The following PKP4 variants were observed in gnomAD, a reference collection of about 807,000 sequenced individuals.
PKP4 encodes the protein plakophilin-4.
Under a neutral mutation model 145.1 loss-of-function variants are expected in PKP4, and 90 were observed. The ratio of observed to expected loss-of-function variants is 0.62; its 90% CI spans 0.52 to 0.74. The LOEUF (loss-of-function observed/expected upper bound fraction) is 0.74. Among genes scored for constraint, PKP4 ranks in the 30% least tolerant of loss-of-function variants. The pLI is 0.00. For missense variants in PKP4, 1,340 were observed against 1,482.7 expected (o/e 0.90, Z 1.58); for synonymous variants, 563 against 577.2 (o/e 0.98, Z 0.35).
intron 6 of PKP4, among the ~76,000 whole-genome samples, chr2:158,621,937 T>G (rs2052303763): frequency 6.6e-6 from 1 of 152,222 alleles, no homozygotes; most frequent in Non-Finnish European, 1.5e-5. Flanking sequence ...TGATGAATTC[T>G]GATGAGTTCC....
In PKP4 at chr2:158,661,387, G is replaced by T. The variant is rs1334139747; in HGVS notation, c.2148G>T (p.Gly716=). The T allele has an allele frequency of 1.2e-6, 2 of 1,613,928 alleles. No homozygotes were observed. Among genetic ancestry groups the T allele is most frequent in the Non-Finnish European group, 1.7e-6 (2 of 1,179,870 alleles). Residue 716 remains glycine (G), a synonymous_variant, in exon 13 of 22, where the codon GGG becomes GGT. Coordinates refer to ENST00000389759, the MANE Select transcript of PKP4 (RefSeq NM_003628.6). ...GGAAGCAAATGCGGTCCTGCGAGGG[G>T]CTGGTAGACTCACTGTTGTATGTGA... The part of the protein sequence containing the change: ...EARKQMRSCE[G]LVDSLLYVIH...
chr2:158,556,493 A>G (rs192961093), intron 2 of PKP4, among the ~76,000 whole-genome samples: 2 of 151,280 alleles, frequency 1.3e-5, no homozygotes, highest in Admixed American at 6.6e-5. Context: ...AAATACGGAT[A>G]GATAAATGAA....
At chr2:158,547,129 T>G (rs2045137255) in intron 2 of PKP4, among the ~76,000 whole-genome samples, 1 of 152,214 alleles carries the variant, frequency 6.6e-6, no homozygotes, top group Non-Finnish European at 1.5e-5. Context: ...GATAATTTTT[T>G]GTAAAGTTAA....
chr2:158,509,327 T>G (rs549273458), intron 1 of PKP4, among the ~76,000 whole-genome samples: 1 of 152,350 alleles, frequency 6.6e-6, no homozygotes, highest in East Asian at 1.9e-4. Flanking sequence ...ATCTTTGAGG[T>G]ATTTTACCAC....
intron 6 of PKP4, among the ~76,000 whole-genome samples, chr2:158,624,447 A>G (rs926587985): frequency 1.3e-5 from 2 of 152,238 alleles, no homozygotes; most frequent in African/African-American, 4.8e-5. Context: ...TTTTTGTTTT[A>G]CATAAATGCA....
At chr2:158,552,547 G>A (rs1260743018) in intron 2 of PKP4, among the ~76,000 whole-genome samples, 2 of 150,642 alleles carry the variant, frequency 1.3e-5, no homozygotes, top group South Asian at 2.2e-4. Context: ...TGGTAGAAAT[G>A]TGGGTATTAA....
At chr2:158,678,047 TA>T (rs138671707) in intron 20 of PKP4, among the ~76,000 whole-genome samples, 29,608 of 152,194 alleles carry the variant, frequency 0.19, 3,740 homozygotes, top group Middle Eastern at 0.35. Context: ...CCTTTTGTAT[TA>T]AAACATACTT....
At chr2:158,614,459 C>T (rs2051405548) in intron 4 of PKP4, among the ~76,000 whole-genome samples, 1 of 152,102 alleles carries the variant, frequency 6.6e-6, no homozygotes, top group South Asian at 2.1e-4. Flanking sequence ...AGTTTCCCAG[C>T]CAGTGGATAT....
At chr2:158,532,163 A>G (rs558685273) in intron 1 of PKP4, among the ~76,000 whole-genome samples, 3 of 152,270 alleles carry the variant, frequency 2.0e-5, no homozygotes, top group African/African-American at 2.4e-5. Flanking sequence ...TTAATTGATT[A>G]TAAATGAATA....
chr2:158,549,501 G>A (rs760814647), intron 2 of PKP4, among the ~76,000 whole-genome samples: 5 of 151,716 alleles, frequency 3.3e-5, no homozygotes, highest in Non-Finnish European at 5.9e-5. Flanking sequence ...CCTTCCCACC[G>A]CCACCCCTAG....
chr2:158,606,610 C>T (rs1056676408), intron 4 of PKP4, among the ~76,000 whole-genome samples: 1 of 152,178 alleles, frequency 6.6e-6, no homozygotes, highest in African/African-American at 2.4e-5. Context: ...AAGCTCATCA[C>T]TTAGCCTTTC....
chr2:158,666,694 C>A (rs1439121187), intron 16 of PKP4, 131 bp downstream of exon 16: 1 of 697,170 alleles, frequency 1.4e-6, no homozygotes, highest in Non-Finnish European at 2.2e-6. Flanking sequence ...AGTTTCTTGG[C>A]ATATTTGAGT....
intron 15 of PKP4, 146 bp from the exon 16 acceptor site, chr2:158,666,267 C>A: frequency 1.5e-6 from 1 of 657,484 alleles, no homozygotes; most frequent in Non-Finnish European, 2.3e-6. Flanking sequence ...GTTTTCTCTT[C>A]ACTGACACCA....
At chr2:158,509,738 G>A (rs1450667609) in intron 1 of PKP4, among the ~76,000 whole-genome samples, 2 of 151,956 alleles carry the variant, frequency 1.3e-5, no homozygotes, top group Non-Finnish European at 2.9e-5. Flanking sequence ...ACCTGAGGTC[G>A]GGAGTTTGAG....
rs1419408852 is a variant in PKP4 at position 158,525,784 on chromosome 2, A to G, written c.-5-7396A>G. 1.2e-4 allele frequency among the ~76,000 whole-genome samples: 17 copies of G among 146,320 alleles called. No homozygotes were observed. The East Asian group carries it at 2.3e-3, about 20-fold the overall frequency. ...AGAGGAGAATCAAATAGACACAATA[A>G]AAAATGATAAAGGGGATATCACCAC... On this transcript the variant is annotated intron_variant, in intron 1 of 21. Transcript: ENST00000389759.
intron 19 of PKP4, among the ~76,000 whole-genome samples, chr2:158,675,623 G>C (rs2057940530): frequency 6.6e-6 from 1 of 152,184 alleles, no homozygotes; most frequent in African/African-American, 2.4e-5. Flanking sequence ...CTTCACACTA[G>C]TGTGGGATCT....
chr2:158,545,961 C>T (rs536515149), intron 2 of PKP4, among the ~76,000 whole-genome samples: 36 of 152,216 alleles, frequency 2.4e-4, no homozygotes, highest in African/African-American at 8.4e-4. Context: ...CTGAATTATT[C>T]TTGCTGGTTT....
intron 2 of PKP4, among the ~76,000 whole-genome samples, chr2:158,547,293 T>C (rs187215273): frequency 4.9e-4 from 75 of 152,306 alleles, no homozygotes; most frequent in Non-Finnish European, 7.8e-4. Flanking sequence ...TGTCACTGGG[T>C]GAATTAATAA....
chr2:158,624,211 T>A (rs1183818881), intron 6 of PKP4, among the ~76,000 whole-genome samples: 2 of 152,190 alleles, frequency 1.3e-5, no homozygotes, highest in African/African-American at 2.4e-5. Context: ...AAGCTATGCT[T>A]GATCTAAAGG....
Sources: allele counts gnomAD v4.1 joint callset (sites outside exome capture counted in the v4.1 genomes callset), GRCh38; gene constraint gnomAD v4.1.1; transcripts MANE v1.5; gene names NCBI Gene and HGNC (gene_info 2026-07-23, HGNC 2026-07-21).